The following KDM3A variants were observed in gnomAD, a reference collection of about 807,000 sequenced individuals.
KDM3A encodes lysine-specific demethylase 3A.
A neutral mutation model predicts 158.0 loss-of-function variants in KDM3A; 60 were observed. The observed-to-expected ratio is 0.38, with a 90% CI of 0.31 to 0.47. The LOEUF (loss-of-function observed/expected upper bound fraction) is 0.47. KDM3A is among the 20% of genes least tolerant of loss of function. KDM3A has a pLI of 0.99. For missense variants in KDM3A, 1,319 were observed against 1,574.3 expected (o/e 0.84, Z 2.74); for synonymous variants, 608 against 549.3 (o/e 1.11, Z -1.49).
chr2:86,447,106 C>G (rs762119123), intron 2 of KDM3A, among the ~76,000 whole-genome samples: 1 of 152,170 alleles, frequency 6.6e-6, no homozygotes, highest in Non-Finnish European at 1.5e-5. Flanking sequence ...GTCACCATGC[C>G]TGACTGACAT....
Position 86,441,430 on chromosome 2 carries a change from G to A in KDM3A, c.-45G>A, listed in dbSNP as rs1311691798. 3 of 152,434 alleles carry A rather than the reference G, an allele frequency of 2.0e-5. No individual in the cohort carries two copies. The highest frequency in any genetic ancestry group is 6.5e-5 in the Admixed American group (1 of 15,296). 9.4% of individuals were successfully genotyped at this position (152,434 alleles called of 1,614,324 possible). A position where few individuals can be genotyped will look rare whatever the true frequency, so the allele number is the denominator to read the frequency against. On this transcript the variant is annotated 5_prime_UTR_variant, in exon 1 of 26. Transcript: ENST00000312912. Reference sequence around the variant, plus strand: ...CGGCGGCTGCCGCCGGTGACTCAGGGAGGCGGGAGGCGGGGTAAGAGCGCC... The same window carrying A: ...CGGCGGCTGCCGCCGGTGACTCAGGAAGGCGGGAGGCGGGGTAAGAGCGCC...
intron 8 of KDM3A, among the ~76,000 whole-genome samples, chr2:86,458,456 G>A (rs1573162038): frequency 6.6e-6 from 1 of 152,186 alleles, no homozygotes; most frequent in East Asian, 1.9e-4. Flanking sequence ...AGTTTACAAG[G>A]TAATTTCAAG....
At position 86,485,728 on chromosome 2, in the gene KDM3A, G is replaced by A. The variant is rs539478230; in HGVS notation, c.3183-1G>A. 6.2e-7 allele frequency: 1 copy of A among 1,613,658 alleles called. No individual in the cohort carries two copies. Among genetic ancestry groups the A allele is most frequent in the African/African-American group, 1.3e-5 (1 of 75,030 alleles). On this transcript the variant is annotated splice_acceptor_variant, in intron 20 of 25. Coordinates refer to ENST00000312912, the MANE Select transcript of KDM3A (RefSeq NM_018433.6). LOFTEE classifies it high-confidence loss of function. ...GCAAATTCCTGGTTCTGTTGTTCTA[G>A]GTTTGATGATCTGATGGCCAACATT...
rs897837921 is a variant in KDM3A, at chr2:86,484,218, G to T, written c.3094+60G>T. 1.4e-5 allele frequency: 20 copies of T among 1,473,394 alleles called. No individual in the cohort carries two copies. In the African/African-American group the frequency reaches 2.3e-4, roughly 17 times the overall value. The allele number at this position is 1,473,394 out of a possible 1,614,324, so 91.3% of individuals were successfully genotyped here. A position where few individuals can be genotyped will look rare whatever the true frequency, so the allele number is the denominator to read the frequency against. On this transcript the variant is annotated intron_variant, in intron 19 of 25. Coordinates refer to ENST00000312912, the MANE Select transcript of KDM3A (RefSeq NM_018433.6). ...TGTGAAAGGAGGGGACACAGGAATG[G>T]CAGGAGTCTGAGACCCATCAGTGGC...
rs1674348459 is a variant in KDM3A, at chr2:86,489,427, G to A, written c.3423G>A (p.Glu1141=). 3 of 1,613,970 alleles carry A rather than the reference G, an allele frequency of 1.9e-6. No homozygotes were observed. Among genetic ancestry groups the A allele is most frequent in the East Asian group, 4.5e-5 (2 of 44,866 alleles). The change falls in exon 22 of 26, where the codon GAG becomes GAA. Residue 1141 remains glutamate, a synonymous_variant. Coordinates refer to ENST00000312912, the MANE Select transcript of KDM3A (RefSeq NM_018433.6). The stretch of plus-strand genomic sequence containing the variant: ...TGGGAATTCCCAAAGGACAGTGTGA[G>A]CAAGAAGAAGGTAGGGTGCTGAGCA... ...VYVGIPKGQC[E]QEEEVLKTIQ... is the part of the protein sequence containing the mutation.
Position 86,474,874 on chromosome 2 carries a change from A to G in KDM3A, c.1823A>G (p.Lys608Arg), listed in dbSNP as rs968823634. 3.7e-6 allele frequency: 6 copies of G among 1,614,038 alleles called. No homozygotes were observed. The highest frequency in any genetic ancestry group is 4.2e-6 in the Non-Finnish European group (5 of 1,179,956). ...EAIGLWLPLT[K>R]NVVGIDLDTA... Reference sequence around the variant, plus strand: ...ATTGGCTTGTGGTTACCTTTAACCAAAAACGTTGTGGGGATTGATTTGGAC... The same window carrying G: ...ATTGGCTTGTGGTTACCTTTAACCAGAAACGTTGTGGGGATTGATTTGGAC... Residue 608 changes from lysine (K) to arginine (R), a missense_variant, in exon 12 of 26, where the codon AAA (lysine) becomes AGA (arginine). Lys to Arg is a conservative substitution (Grantham distance 26). Around this residue, in one of 4 missense-constraint regions of KDM3A, gnomAD observed 113 missense variants for 190.5 expected, o/e 0.59. Coordinates refer to ENST00000312912, the MANE Select transcript of KDM3A (RefSeq NM_018433.6).
intron 4 of KDM3A, among the ~76,000 whole-genome samples, chr2:86,453,291 A>T (rs1463795106): frequency 6.6e-6 from 1 of 152,216 alleles, no homozygotes; most frequent in Non-Finnish European, 1.5e-5. Context: ...TTCAAAGTTT[A>T]GTACTTCAGA....
At chr2:86,440,207 CTT>C (rs1243419521), upstream of KDM3A, among the ~76,000 whole-genome samples, 13 of 152,128 alleles carry the variant, frequency 8.5e-5, no homozygotes, top group African/African-American at 3.1e-4. Context: ...ACTTTAAAAA[CTT>C]AAAATCACAT....
Position 86,466,686 on chromosome 2 carries a change from A to G in KDM3A, c.1322A>G (p.Glu441Gly). 2.5e-6 allele frequency: 4 copies of G among 1,613,946 alleles called. No homozygotes were observed. Among genetic ancestry groups the G allele is most frequent in the Non-Finnish European group, 3.4e-6 (4 of 1,179,860 alleles). Residue 441 changes from glutamate to glycine, a missense_variant, in exon 10 of 26, where the codon GAA becomes GGA. Physicochemically the swap from Glu to Gly is moderately conservative, Grantham distance 98. Transcript: ENST00000312912. ...CCTCCTGAACTGCAGAAGCACCTAGAACATGCACCTTCCCCATCGGATGTT... is the reference window on the plus strand; with the variant it reads ...CCTCCTGAACTGCAGAAGCACCTAGGACATGCACCTTCCCCATCGGATGTT... ...ANPPELQKHL[E>G]HAPSPSDVSN...
chr2:86,482,174 A>G, intron 17 of KDM3A, 72 bp downstream of exon 17: 1 of 1,497,844 alleles, frequency 6.7e-7, no homozygotes, highest in Non-Finnish European at 9.2e-7. Context: ...GAGAAGTTGG[A>G]ACTGAAAGTA....
At chr2:86,468,254 A>G (rs1410463618) in intron 10 of KDM3A, among the ~76,000 whole-genome samples, 5 of 152,250 alleles carry the variant, frequency 3.3e-5, no homozygotes, top group African/African-American at 4.8e-5. Context: ...TTAAGTTAAT[A>G]TAGCTGTTAA....
At chr2:86,454,108 A>T (rs1672587223) in intron 4 of KDM3A, among the ~76,000 whole-genome samples, 2 of 152,238 alleles carry the variant, frequency 1.3e-5, no homozygotes, top group South Asian at 4.1e-4. Flanking sequence ...CTATTCATTC[A>T]GATTTTCTGT....
chr2:86,489,782 C>A, intron 23 of KDM3A, 123 bp downstream of exon 23: 1 of 1,031,316 alleles, frequency 9.7e-7, no homozygotes, highest in Non-Finnish European at 1.4e-6. Flanking sequence ...AAATCTGTAC[C>A]TGTCAGATTG....
chr2:86,489,821 A>G (rs933331721), intron 23 of KDM3A, 162 bp downstream of exon 23: 20 of 643,868 alleles, frequency 3.1e-5, no homozygotes, highest in Admixed American at 1.5e-4. Context: ...GCTAAGGAAC[A>G]AGGATTCTAA....
In KDM3A at chr2:86,451,093, T is replaced by C. The variant is rs1446135322; in HGVS notation, c.343-10T>C. On this transcript the variant is annotated splice_polypyrimidine_tract_variant and intron_variant, in intron 3 of 25. Coordinates refer to ENST00000312912, the MANE Select transcript of KDM3A (RefSeq NM_018433.6). ...CAGTTATGATGCTAAAGTGTTTTCT[T>C]TTGTTTTAGACGTACAAACCTCTGT... is the stretch of plus-strand genomic sequence containing the variant. The C allele has an allele frequency of 6.3e-7, 1 of 1,577,132 alleles. No homozygotes were observed. The highest frequency in any genetic ancestry group is 1.4e-5 in the African/African-American group (1 of 72,986).
intron 10 of KDM3A, among the ~76,000 whole-genome samples, chr2:86,468,457 C>T (rs1318935862): frequency 6.6e-6 from 1 of 152,196 alleles, no homozygotes; most frequent in Admixed American, 6.5e-5. Flanking sequence ...GCAATAAGCA[C>T]ATGATAGATA....
At chr2:86,461,136 A>C (rs1198430135) in intron 8 of KDM3A, among the ~76,000 whole-genome samples, 1 of 152,162 alleles carries the variant, frequency 6.6e-6, no homozygotes, top group African/African-American at 2.4e-5. Context: ...ATGGGAAGAA[A>C]GTGCTAGGAA....
At chr2:86,449,762 A>G (rs1672361516) in intron 2 of KDM3A, 45 bp from the exon 3 acceptor site, 1 of 1,556,558 alleles carries the variant, frequency 6.4e-7, no homozygotes, top group African/African-American at 1.4e-5. Flanking sequence ...GCTTATTTTA[A>G]TAAATTGAAT....
rs1157413173 is a variant in KDM3A, at chr2:86,459,250, C to G, written c.843+2179C>G. On this transcript the variant is annotated intron_variant, in intron 8 of 25. Coordinates refer to ENST00000312912, the MANE Select transcript of KDM3A (RefSeq NM_018433.6). ...TAAGGCTCTGGGTAATTAATGTGGCCAGGACTACACAGAGGATGTCAAGCT... is the reference window on the plus strand; with the variant it reads ...TAAGGCTCTGGGTAATTAATGTGGCGAGGACTACACAGAGGATGTCAAGCT... 3.3e-5 allele frequency among the ~76,000 whole-genome samples: 5 copies of G among 151,996 alleles called. No homozygotes were observed. The East Asian group carries it at 9.6e-4, about 29-fold the overall frequency.
Sources: allele counts gnomAD v4.1 joint callset (sites outside exome capture counted in the v4.1 genomes callset), GRCh38; gene constraint gnomAD v4.1.1; regional missense constraint gnomAD v4.1.1; transcripts MANE v1.5; gene names NCBI Gene and HGNC (gene_info 2026-07-23, HGNC 2026-07-21).